Variants in HEPHL1 observed in about 807,000 individuals in gnomAD.
The protein encoded by HEPHL1 is hephaestin like 1, also known as ferroxidase HEPHL1.
Under a neutral mutation model 122.0 loss-of-function variants are expected in HEPHL1, and 123 were observed. That is an observed-to-expected ratio of 1.01 (90% CI 0.87 to 1.17). The LOEUF is 1.17. Among genes scored for constraint, HEPHL1 ranks in the 50% most tolerant of loss-of-function variants. HEPHL1 has a pLI of 0.00. For missense variants in HEPHL1, 1,452 were observed against 1,430.5 expected (o/e 1.01, Z -0.24); for synonymous variants, 527 against 508.9 (o/e 1.04, Z -0.48).
At chr11:94,039,289 A>G (rs1292191080) in intron 1 of HEPHL1, among the ~76,000 whole-genome samples, 40 of 151,088 alleles carry the variant, frequency 2.6e-4, no homozygotes, top group East Asian at 5.8e-4. Flanking sequence ...TTAACACCTC[A>G]CTGTCAACAT....
intron 18 of HEPHL1, among the ~76,000 whole-genome samples, chr11:94,111,281 T>A (rs1946446474): frequency 6.6e-6 from 1 of 151,886 alleles, no homozygotes; most frequent in South Asian, 2.1e-4. Context: ...AGTGAATGGG[T>A]AACAGTTGGA....
At position 94,113,674 on chromosome 11, in the gene HEPHL1, T is replaced by A. The variant is rs1048138048; in HGVS notation, c.*1780T>A. On this transcript the variant is annotated 3_prime_UTR_variant, in exon 20 of 20. Transcript: ENST00000315765. ...CAGTTGTTTTTTTTTCTTTTCAGTT[T>A]ATTTTTTTAATGAAAACAAAACCAC... 5.3e-5 allele frequency: 8 copies of A among 152,328 alleles called. No homozygotes were observed. Among genetic ancestry groups the A allele is most frequent in the African/African-American group, 1.7e-4 (7 of 41,572 alleles). 9.4% of individuals were successfully genotyped at this position (152,328 alleles called of 1,614,324 possible).
chr11:94,096,842 T>A (rs961673019), intron 13 of HEPHL1, among the ~76,000 whole-genome samples: 1 of 152,236 alleles, frequency 6.6e-6, no homozygotes, highest in African/African-American at 2.4e-5. Flanking sequence ...GTAGTTTGTA[T>A]TTCTGTGGGA....
chr11:94,108,624 A>G (rs1946426136), intron 17 of HEPHL1, among the ~76,000 whole-genome samples: 1 of 151,996 alleles, frequency 6.6e-6, no homozygotes, highest in African/African-American at 2.4e-5. Context: ...ATATGTCCAA[A>G]TGTTCCATCA....
chr11:94,067,578 G>A lies in HEPHL1; in HGVS notation c.891G>A (p.Met297Ile). 1.2e-6 allele frequency: 2 copies of A among 1,613,522 alleles called. No individual in the cohort carries two copies. Among genetic ancestry groups the A allele is most frequent in the Non-Finnish European group, 8.5e-7 (1 of 1,179,524 alleles). The change falls in exon 5 of 20, where the codon ATG becomes ATA. Residue 297 changes from methionine to isoleucine, a missense_variant. Transcript: ENST00000315765. ...CTGTGTCCTGGCACCTATTTGGAATGGGGAATGAAATAGACATCCATTCTA... is the reference window on the plus strand; with the variant it reads ...CTGTGTCCTGGCACCTATTTGGAATAGGGAATGAAATAGACATCCATTCTA... ...GESVSWHLFG[M>I]GNEIDIHSIY...
chr11:94,061,545 T>C (rs1027283346), intron 2 of HEPHL1, among the ~76,000 whole-genome samples: 1 of 130,702 alleles, frequency 7.7e-6, no homozygotes, highest in African/African-American at 4.0e-5. Flanking sequence ...GATAACATAG[T>C]TTTTTTAAAT....
chr11:94,058,424 A>C (rs932333612), intron 2 of HEPHL1, among the ~76,000 whole-genome samples: 2 of 152,192 alleles, frequency 1.3e-5, no homozygotes, highest in African/African-American at 4.8e-5. Flanking sequence ...TGCTTAATTC[A>C]ACTTAGTGTT....
chr11:94,106,936 T>C (rs1946414203), intron 17 of HEPHL1, among the ~76,000 whole-genome samples: 1 of 152,204 alleles, frequency 6.6e-6, no homozygotes, highest in Admixed American at 6.5e-5. Flanking sequence ...TGTGTGACTT[T>C]CTACCCTCTA....
chr11:94,063,840 C>G, intron 3 of HEPHL1, 120 bp downstream of exon 3: 1 of 797,174 alleles, frequency 1.3e-6, no homozygotes, highest in South Asian at 1.7e-5. Flanking sequence ...TTTAGAAATT[C>G]TGACATGGAA....
In HEPHL1 at chr11:94,088,983, G is replaced by C; in HGVS notation, c.2294+15G>C. ...AGAGGGGAAAGGTACCACAGGCGCC[G>C]CCGCTAGGGCTCCTCGGTGGGATCG... On this transcript the variant is annotated intron_variant, in intron 12 of 19. Coordinates refer to ENST00000315765, the MANE Select transcript of HEPHL1 (RefSeq NM_001098672.2). 1 of 1,610,834 alleles carries C rather than the reference G, an allele frequency of 6.2e-7. No homozygotes were observed. The highest frequency in any genetic ancestry group is 8.5e-7 in the Non-Finnish European group (1 of 1,177,096).
rs747687034 is a variant in HEPHL1 at position 94,102,983 on chromosome 11, T to G, written c.2645T>G (p.Ile882Ser). ...CCAGGGCCTTCTGATCCCAATTGTA[T>G]TCCATGGGTTTACTATTCAACAGTA... ...SGPGPSDPNC[I>S]PWVYYSTVNF... The change falls in exon 15 of 20, where the codon ATT becomes AGT. Residue 882 changes from isoleucine to serine, a missense_variant. Coordinates refer to ENST00000315765, the MANE Select transcript of HEPHL1 (RefSeq NM_001098672.2). 2 of 1,606,506 alleles carry G rather than the reference T, an allele frequency of 1.2e-6. No homozygotes were observed. The highest frequency in any genetic ancestry group is 1.7e-6 in the Non-Finnish European group (2 of 1,173,124).
At chr11:94,068,649 A>G (rs1486398871) in intron 5 of HEPHL1, among the ~76,000 whole-genome samples, 1 of 152,170 alleles carries the variant, frequency 6.6e-6, no homozygotes, top group East Asian at 1.9e-4. Context: ...CTTTTGGCAC[A>G]CTAGTGACAT....
intron 1 of HEPHL1, among the ~76,000 whole-genome samples, chr11:94,029,677 A>C (rs1443910157): frequency 6.6e-6 from 1 of 152,146 alleles, no homozygotes; most frequent in Non-Finnish European, 1.5e-5. Context: ...AGAAAACCCA[A>C]TCCCCCCTTG....
chr11:94,065,403 ATAAT>A (rs1946025181), intron 4 of HEPHL1, among the ~76,000 whole-genome samples: 1 of 152,230 alleles, frequency 6.6e-6, no homozygotes, highest in African/African-American at 2.4e-5. Context: ...GGTCAAAGTG[ATAAT>A]TAATGCCAGA....
chr11:94,088,204 T>G (rs2134442904), intron 11 of HEPHL1, among the ~76,000 whole-genome samples: 1 of 152,356 alleles, frequency 6.6e-6, no homozygotes, highest in Non-Finnish European at 1.5e-5. Context: ...TTTAGCATAA[T>G]GTAGACCTAT....
chr11:94,056,833 A>T (rs1214013478), intron 2 of HEPHL1, among the ~76,000 whole-genome samples: 1 of 152,180 alleles, frequency 6.6e-6, no homozygotes, highest in Non-Finnish European at 1.5e-5. Context: ...ATTAAGTCAT[A>T]TATTTCCCAT....
At chr11:94,107,361 A>G (rs1946417305) in intron 17 of HEPHL1, among the ~76,000 whole-genome samples, 1 of 152,134 alleles carries the variant, frequency 6.6e-6, no homozygotes, top group Admixed American at 6.5e-5. Flanking sequence ...TTAAAAATTT[A>G]TAAAATTTAA....
intron 5 of HEPHL1, among the ~76,000 whole-genome samples, chr11:94,069,689 A>G (rs1946059389): frequency 6.6e-6 from 1 of 152,174 alleles, no homozygotes; most frequent in Non-Finnish European, 1.5e-5. Context: ...ATCTTGCTTA[A>G]TCAATACTCT....
intron 2 of HEPHL1, chr11:94,055,809 A>G (rs1041780651): frequency 1.1e-5 from 5 of 434,850 alleles, no homozygotes; most frequent in Non-Finnish European, 2.2e-5. Context: ...GGATGAGAAA[A>G]TGAGTTCCTT....
Sources: allele counts gnomAD v4.1 joint callset (sites outside exome capture counted in the v4.1 genomes callset), GRCh38; gene constraint gnomAD v4.1.1; transcripts MANE v1.5; gene names NCBI Gene and HGNC (gene_info 2026-07-23, HGNC 2026-07-21).